The following RALYL variants were observed in gnomAD, a reference collection of about 807,000 sequenced individuals.
The protein encoded by RALYL is RALY RNA binding protein like.
RALYL carries 29 observed loss-of-function variants against 35.1 expected under a neutral mutation model. The observed-to-expected ratio is 0.83, with a 90% CI of 0.61 to 1.13. The LOEUF (loss-of-function observed/expected upper bound fraction) is 1.13, where lower values mean the gene tolerates loss of function less well. RALYL is among the 50% of genes most tolerant of loss of function. The pLI, the probability that RALYL is intolerant of heterozygous loss-of-function variation, is 0.00. For missense variants in RALYL, 359 were observed against 360.4 expected (o/e 1.00, Z 0.03); for synonymous variants, 120 against 127.6 (o/e 0.94, Z 0.40).
At chr8:84,759,401 A>G (rs774040090) in intron 2 of RALYL, among the ~76,000 whole-genome samples, 14 of 152,160 alleles carry the variant, frequency 9.2e-5, no homozygotes, top group Non-Finnish European at 1.5e-4. Flanking sequence ...CAGTCCTTTC[A>G]GAATATTTAT....
chr8:84,680,420 G>C (rs540331501), intron 2 of RALYL, among the ~76,000 whole-genome samples: 1 of 151,996 alleles, frequency 6.6e-6, no homozygotes, highest in Non-Finnish European at 1.5e-5. Flanking sequence ...CTGAGGAATC[G>C]CCACACTGAC....
At chr8:84,249,012 C>T (rs1232149433) in intron 1 of RALYL, among the ~76,000 whole-genome samples, 1 of 151,934 alleles carries the variant, frequency 6.6e-6, no homozygotes, top group Non-Finnish European at 1.5e-5. Context: ...ATTTTGTAGT[C>T]ATGGAACGAG....
chr8:84,552,338 G>GTATA (rs779399854), intron 2 of RALYL, among the ~76,000 whole-genome samples: 1,398 of 73,842 alleles, frequency 0.019, 44 homozygotes, highest in African/African-American at 0.034. Flanking sequence ...GGATGTGTGT[G>GTATA]TATATATATA....
At chr8:84,555,304 C>CACAT (rs906577797) in intron 2 of RALYL, among the ~76,000 whole-genome samples, 4 of 152,114 alleles carry the variant, frequency 2.6e-5, no homozygotes, top group Admixed American at 2.0e-4. Context: ...CACACACACA[C>CACAT]ACATATATAT....
intron 1 of RALYL, among the ~76,000 whole-genome samples, chr8:84,301,661 T>C (rs1840813674): frequency 6.6e-6 from 1 of 152,236 alleles, no homozygotes; most frequent in South Asian, 2.1e-4. Flanking sequence ...TGTACATCCA[T>C]AGGGGAAAAT....
At chr8:84,434,596 G>A (rs550847762) in intron 1 of RALYL, among the ~76,000 whole-genome samples, 72 of 152,164 alleles carry the variant, frequency 4.7e-4, no homozygotes, top group Middle Eastern at 3.4e-3. Context: ...GATAGATAAC[G>A]TTTTTCTTTA....
chr8:84,908,116 A>G (rs921748207), intron 8 of RALYL, among the ~76,000 whole-genome samples: 12 of 152,186 alleles, frequency 7.9e-5, no homozygotes, highest in African/African-American at 2.7e-4. Flanking sequence ...TAAGGGGTAC[A>G]AAGTGATGTT....
At chr8:84,695,545 C>A (rs1364451453) in intron 2 of RALYL, among the ~76,000 whole-genome samples, 1 of 151,590 alleles carries the variant, frequency 6.6e-6, no homozygotes, top group Non-Finnish European at 1.5e-5. Flanking sequence ...TTTTTGAAAA[C>A]CTTATGAATC....
chr8:84,342,271 T>G (rs941816034), intron 1 of RALYL, among the ~76,000 whole-genome samples: 1 of 114,606 alleles, frequency 8.7e-6, no homozygotes, highest in Non-Finnish European at 1.8e-5. Flanking sequence ...GTACAGAGCA[T>G]CGTTCAATAT....
intron 8 of RALYL, among the ~76,000 whole-genome samples, chr8:84,893,161 T>C (rs1430175964): frequency 2.0e-5 from 3 of 152,170 alleles, no homozygotes; most frequent in Non-Finnish European, 4.4e-5. Flanking sequence ...GGGTTGGAAC[T>C]TTACCTTGAA....
intron 6 of RALYL, among the ~76,000 whole-genome samples, chr8:84,865,291 C>T (rs980890199): frequency 2.0e-5 from 3 of 152,066 alleles, no homozygotes; most frequent in Non-Finnish European, 4.4e-5. Context: ...TAAAGATTTA[C>T]TAAGGTATAT....
At chr8:84,633,120 T>G (rs1055138940) in intron 2 of RALYL, among the ~76,000 whole-genome samples, 53 of 428 alleles carry the variant, frequency 0.12, no homozygotes, top group African/African-American at 0.28. Context: ...GAATTGAGGT[T>G]TTTTTTTTAA....
chr8:84,410,628 A>C (rs1360608787), intron 1 of RALYL, among the ~76,000 whole-genome samples: 2 of 151,996 alleles, frequency 1.3e-5, no homozygotes, highest in Middle Eastern at 3.5e-3. Flanking sequence ...AAAACTAATT[A>C]AGATCACATT....
At chr8:84,686,481 T>C (rs1046976289) in intron 2 of RALYL, among the ~76,000 whole-genome samples, 1 of 152,188 alleles carries the variant, frequency 6.6e-6, no homozygotes, top group African/African-American at 2.4e-5. Context: ...CTCAGTTCAC[T>C]GCAACCTCCA....
chr8:84,920,880 TTTTA>T lies in RALYL; in HGVS notation c.859-10_859-7del, dbSNP rs1291059335. ...CAAATCTCTGTATTTTAAAATTTTTTTTTATTTTCTCAGTTTCTACAGATAAAGT... is the reference window on the plus strand; with the variant it reads ...CAAATCTCTGTATTTTAAAATTTTTTTTTTCTCAGTTTCTACAGATAAAGT... On this transcript the variant is annotated splice_polypyrimidine_tract_variant and intron_variant, in intron 8 of 8. Transcript: ENST00000521268. 6 of 1,333,648 alleles carry T rather than the reference TTTTA, an allele frequency of 4.5e-6. No individual in the cohort carries two copies. In the African/African-American group the frequency reaches 9.1e-5, roughly 20 times the overall value. The allele number at this position is 1,333,648 out of a possible 1,614,324, so 82.6% of individuals were successfully genotyped here. A position where few individuals can be genotyped will look rare whatever the true frequency, so the allele number is the denominator to read the frequency against.
intron 2 of RALYL, among the ~76,000 whole-genome samples, chr8:84,712,547 C>A (rs1193547512): frequency 6.6e-6 from 1 of 152,110 alleles, no homozygotes; most frequent in Non-Finnish European, 1.5e-5. Context: ...CACTTTTGTA[C>A]CAGGTGAGCA....
intron 2 of RALYL, among the ~76,000 whole-genome samples, chr8:84,597,923 C>G (rs1455233919): frequency 6.6e-6 from 1 of 152,142 alleles, no homozygotes; most frequent in South Asian, 2.1e-4. Context: ...GATCCCTGCT[C>G]TTAAGCACAA....
intron 1 of RALYL, among the ~76,000 whole-genome samples, chr8:84,254,234 A>G (rs1369088947): frequency 6.6e-6 from 1 of 152,148 alleles, no homozygotes; most frequent in Non-Finnish European, 1.5e-5. Context: ...TCTGTTGTAT[A>G]TATTTTTAAA....
chr8:84,434,993 C>G (rs2047546655), intron 1 of RALYL, among the ~76,000 whole-genome samples: 1 of 152,134 alleles, frequency 6.6e-6, no homozygotes, highest in Admixed American at 6.6e-5. Context: ...AACACACTAA[C>G]ATGACCATTT....
Sources: allele counts gnomAD v4.1 joint callset (sites outside exome capture counted in the v4.1 genomes callset), GRCh38; gene constraint gnomAD v4.1.1; transcripts MANE v1.5; gene names NCBI Gene and HGNC (gene_info 2026-07-23, HGNC 2026-07-21).